BMPR1B: variants seen among roughly 807,000 people sequenced by gnomAD.
BMPR1B encodes bone morphogenetic protein receptor type 1B.
A neutral mutation model predicts 59.1 loss-of-function variants in BMPR1B; 12 were observed. That is an observed-to-expected ratio of 0.20 (90% CI 0.13 to 0.33). The LOEUF is 0.33. Ranked by LOEUF, BMPR1B falls within the 10% of genes least tolerant of loss-of-function variation. The pLI, the probability that BMPR1B is intolerant of heterozygous loss-of-function variation, is 1.00. For missense variants in BMPR1B, 550 were observed against 610.9 expected, an observed-to-expected ratio of 0.90 and a Z score of 1.05; for synonymous variants, 237 against 207.3, an observed-to-expected ratio of 1.14 and a Z score of -1.23.
chr4:94,922,995 C>T (rs988836331), intron 2 of BMPR1B, among the ~76,000 whole-genome samples: 1 of 152,126 alleles, frequency 6.6e-6, no homozygotes, highest in African/African-American at 2.4e-5. Context: ...TTCTATGCTG[C>T]CATTAGGTTA....
In BMPR1B at chr4:95,152,602, A is replaced by AAATAAT. The variant is rs144298602; in HGVS notation, c.1253-24_1253-19dup. ...TAGACTTTTATTTCTACTTCACAGA[A>AAATAAT]AATAATAATAATAATAATAATAGTA... On this transcript the variant is annotated intron_variant, in intron 11 of 12. Coordinates refer to ENST00000515059, the MANE Select transcript of BMPR1B (RefSeq NM_001203.3). 2.5e-4 allele frequency: 357 copies of AAATAAT among 1,454,008 alleles called. No homozygotes were observed. In the African/African-American group the frequency reaches 3.7e-3, roughly 15 times the overall value. The allele number at this position is 1,454,008 out of a possible 1,614,324, so 90.1% of individuals were successfully genotyped here.
chr4:94,759,900 C>G lies in BMPR1B; in HGVS notation c.-183+1832C>G, dbSNP rs534817343. 2.4e-4 allele frequency among the ~76,000 whole-genome samples: 37 copies of G among 152,256 alleles called. 1 individual carries two copies. In the South Asian group the frequency reaches 7.5e-3, roughly 31 times the overall value. On this transcript the variant is annotated intron_variant, in intron 1 of 12. Coordinates refer to ENST00000515059, the MANE Select transcript of BMPR1B (RefSeq NM_001203.3). ...AAACATAGCTGGGAAATTAATTGCT[C>G]TGATTTTCACTGTTTTCTTTAGTCA...
In BMPR1B at chr4:94,876,183, A is replaced by C. The variant is rs542345437; in HGVS notation, c.-113+283A>C. Among the ~76,000 whole-genome samples the C allele has an allele frequency of 4.1e-4, 63 of 152,358 alleles. 1 individual carries two copies. Among genetic ancestry groups the C allele is most frequent in the Admixed American group, 9.1e-4 (14 of 15,302 alleles). On this transcript the variant is annotated intron_variant, in intron 2 of 12. Coordinates refer to ENST00000515059, the MANE Select transcript of BMPR1B (RefSeq NM_001203.3). The stretch of plus-strand genomic sequence containing the variant: ...GGCCTACACACTTAGTCTGTTCCTC[A>C]AACATTTACACACTTGGTAATAACC...
rs113380000 is a variant in BMPR1B, at chr4:95,001,257, G to T, written c.-18+5123G>T. Among the ~76,000 whole-genome samples the T allele has an allele frequency of 3.1e-3, 472 of 152,070 alleles. 1 individual carries two copies. Among genetic ancestry groups the T allele is most frequent in the African/African-American group, 0.011 (456 of 41,510 alleles). ...CAGCTTTTCTTGTCTGAGTGTAATT[G>T]CTCTGTTTTTGTTCTTCATACTACA... On this transcript the variant is annotated intron_variant, in intron 3 of 12. Transcript: ENST00000515059.
intron 2 of BMPR1B, among the ~76,000 whole-genome samples, chr4:94,910,058 A>C (rs1728215616): frequency 6.6e-6 from 1 of 152,078 alleles, no homozygotes; most frequent in Non-Finnish European, 1.5e-5. Flanking sequence ...AAAAAACAAA[A>C]AAAAAGAGCC....
chr4:94,942,322 G>A (rs1260570578), intron 2 of BMPR1B, among the ~76,000 whole-genome samples: 2 of 152,152 alleles, frequency 1.3e-5, no homozygotes, highest in Non-Finnish European at 2.9e-5. Flanking sequence ...TAATAAAGAA[G>A]TAAACAACAT....
Position 94,837,162 on chromosome 4 carries a change from C to T in BMPR1B, c.-182-38669C>T, listed in dbSNP as rs571997681. On this transcript the variant is annotated intron_variant, in intron 1 of 12. Coordinates refer to ENST00000515059, the MANE Select transcript of BMPR1B (RefSeq NM_001203.3). Reference sequence around the variant, plus strand: ...TACCATGCTGTTTTGGTTACTGTAGCCTTGTAGTATAGTTTGAAGTCAGGT... The same window carrying T: ...TACCATGCTGTTTTGGTTACTGTAGTCTTGTAGTATAGTTTGAAGTCAGGT... Among the ~76,000 whole-genome samples the T allele has an allele frequency of 6.9e-3, 1,013 of 146,132 alleles. 17 individuals are homozygous for T. The highest frequency in any genetic ancestry group is 0.024 in the African/African-American group (937 of 39,230).
intron 11 of BMPR1B, 23 bp from the exon 12 acceptor site, chr4:95,152,620 T>C: frequency 6.7e-7 from 1 of 1,501,540 alleles, no homozygotes; most frequent in Non-Finnish European, 9.0e-7. Flanking sequence ...ATAATAATAA[T>C]AATAGTAACA....
chr4:95,033,605 A>G (rs1725035097), intron 3 of BMPR1B, among the ~76,000 whole-genome samples: 1 of 152,134 alleles, frequency 6.6e-6, no homozygotes. Flanking sequence ...GCCAGAGCAA[A>G]AGCGTTTTAG....
chr4:95,103,016 T>G lies in BMPR1B; in HGVS notation c.-17-1392T>G, dbSNP rs538486402. 1.1e-4 allele frequency among the ~76,000 whole-genome samples: 16 copies of G among 149,870 alleles called. No homozygotes were observed. The East Asian group carries it at 2.9e-3, about 28-fold the overall frequency. On this transcript the variant is annotated intron_variant, in intron 3 of 12. Coordinates refer to ENST00000515059, the MANE Select transcript of BMPR1B (RefSeq NM_001203.3). ...CCACAGGTGCCCACTGCAATCAACA[T>G]TTTTTTTTTCTGGACAAAATTTACA...
intron 1 of BMPR1B, among the ~76,000 whole-genome samples, chr4:94,787,039 G>A (rs1722789493): frequency 6.6e-6 from 1 of 152,066 alleles, no homozygotes. Context: ...TTACCAGGGC[G>A]ACAAGGAATG....
At chr4:95,031,052 C>T (rs954531543) in intron 3 of BMPR1B, among the ~76,000 whole-genome samples, 6 of 151,742 alleles carry the variant, frequency 4.0e-5, no homozygotes, top group Non-Finnish European at 5.9e-5. Flanking sequence ...AAAAAGAGCC[C>T]GCATCGCCAA....
At chr4:94,785,193 C>T (rs1722720403) in intron 1 of BMPR1B, among the ~76,000 whole-genome samples, 1 of 152,200 alleles carries the variant, frequency 6.6e-6, no homozygotes, top group Non-Finnish European at 1.5e-5. Flanking sequence ...TCCTTCCTGT[C>T]CTGCCTCATT....
intron 2 of BMPR1B, among the ~76,000 whole-genome samples, chr4:94,903,533 G>C (rs1439927074): frequency 6.8e-6 from 1 of 146,534 alleles, no homozygotes; most frequent in Non-Finnish European, 1.5e-5. Flanking sequence ...TTTTTAAAAA[G>C]ACAATCTTTT....
intron 3 of BMPR1B, among the ~76,000 whole-genome samples, chr4:95,091,276 T>G (rs10020105): frequency 0.61 from 88,557 of 145,194 alleles, 27,731 homozygotes; most frequent in South Asian, 0.72. Context: ...TTTTCTTTTT[T>G]TTTTGTTTTG....
At chr4:94,787,497 G>A (rs1722804480) in intron 1 of BMPR1B, among the ~76,000 whole-genome samples, 1 of 152,188 alleles carries the variant, frequency 6.6e-6, no homozygotes, top group South Asian at 2.1e-4. Flanking sequence ...AGTGAGAGGA[G>A]TCGAAGTGAA....
intron 3 of BMPR1B, among the ~76,000 whole-genome samples, chr4:94,999,164 C>A (rs2149106873): frequency 6.6e-6 from 1 of 152,094 alleles, no homozygotes; most frequent in African/African-American, 2.4e-5. Flanking sequence ...AGACTGTAAT[C>A]TATTTATGGC....
chr4:95,145,847 T>C (rs1197634854), intron 10 of BMPR1B, among the ~76,000 whole-genome samples: 1 of 152,226 alleles, frequency 6.6e-6, no homozygotes, highest in Non-Finnish European at 1.5e-5. Flanking sequence ...TTCACAAAAT[T>C]AGTTTGCTCA....
intron 10 of BMPR1B, among the ~76,000 whole-genome samples, chr4:95,144,481 T>G (rs1376225300): frequency 2.6e-5 from 1 of 38,082 alleles, no homozygotes; most frequent in Non-Finnish European, 7.8e-5. Context: ...ACCAGGCCTT[T>G]TTTTTTTTTA....
Sources: gnomAD v4.1 joint callset for allele counts (sites outside exome capture counted in the v4.1 genomes callset) on GRCh38, gnomAD v4.1.1 for gene constraint, MANE v1.5 for transcripts, NCBI Gene and HGNC (gene_info 2026-07-23, HGNC 2026-07-21) for gene names.